Variants in IGF2BP1 observed in about 807,000 individuals in gnomAD.
The protein encoded by IGF2BP1 is insulin-like growth factor 2 mRNA-binding protein 1.
In IGF2BP1, 11 loss-of-function variants were observed where a neutral mutation model predicts 74.9. The ratio of observed to expected loss-of-function variants is 0.15; its 90% CI spans 0.09 to 0.24. The LOEUF (loss-of-function observed/expected upper bound fraction) is 0.24. Among genes scored for constraint, IGF2BP1 ranks in the 10% least tolerant of loss-of-function variants. The pLI, the probability that IGF2BP1 is intolerant of heterozygous loss-of-function variation, is 1.00. For missense variants in IGF2BP1, 440 were observed against 757.4 expected, an observed-to-expected ratio of 0.58 and a Z score of 4.92; for synonymous variants, 287 against 281.8, an observed-to-expected ratio of 1.02 and a Z score of -0.18.
Position 48,997,739 on chromosome 17 carries a change from C to A in IGF2BP1, c.-7C>A, listed in dbSNP as rs2041425498. 2 of 1,612,318 alleles carry A rather than the reference C, an allele frequency of 1.2e-6. No homozygotes were observed. Among genetic ancestry groups the A allele is most frequent in the South Asian group, 2.2e-5 (2 of 90,834 alleles). The stretch of plus-strand genomic sequence containing the variant: ...CCGGGACCGCGTCCTGCCCCGAGAC[C>A]GCCACCATGAACAAGCTTTACATCG... On this transcript the variant is annotated 5_prime_UTR_variant, in exon 1 of 15. Coordinates refer to ENST00000290341, the MANE Select transcript of IGF2BP1 (RefSeq NM_006546.4). The surrounding 1 kb of genome is among the most constrained non-coding windows in gnomAD (Gnocchi z 4.8).
chr17:49,026,655 TCCTG>T (rs1220689431), intron 4 of IGF2BP1, 138 bp downstream of exon 4: 3 of 634,660 alleles, frequency 4.7e-6, no homozygotes, highest in African/African-American at 3.8e-5. Context: ...CTGCCTGCCT[TCCTG>T]CCTTCCTGCC....
At position 49,038,637 on chromosome 17, in the gene IGF2BP1, A is replaced by G. The variant is rs140362834; in HGVS notation, c.683+188A>G. 2.2e-3 allele frequency among the ~76,000 whole-genome samples: 335 copies of G among 152,194 alleles called. 2 individuals are homozygous for G. Among genetic ancestry groups the G allele is most frequent in the African/African-American group, 7.8e-3 (325 of 41,542 alleles). On this transcript the variant is annotated intron_variant, in intron 6 of 14. Coordinates refer to ENST00000290341, the MANE Select transcript of IGF2BP1 (RefSeq NM_006546.4). ...AAGGGAGGGCAGATAGGGAGGGAGA[A>G]TGGGTCTGGGGTGCTAGGCCACACA...
At chr17:49,030,420 G>A (rs2041909231) in intron 4 of IGF2BP1, among the ~76,000 whole-genome samples, 2 of 152,130 alleles carry the variant, frequency 1.3e-5, no homozygotes, top group Admixed American at 6.5e-5. Flanking sequence ...GGGATTACAG[G>A]CGTGAGCCAC....
In IGF2BP1 at chr17:49,043,522, C is replaced by G; in HGVS notation, c.1172C>G (p.Thr391Ser). The change falls in exon 10 of 15, where the codon ACT becomes AGT. Residue 391 changes from threonine (T) to serine (S), a missense_variant. Coordinates refer to ENST00000290341, the MANE Select transcript of IGF2BP1 (RefSeq NM_006546.4). ...SAVPPPPSSV[T>S]GAAPYSSFMQ... Reference sequence around the variant, plus strand: ...GTCCCGCCGCCTCCCAGCAGCGTTACTGGGGCTGCTCCCTATAGCTCCTTT... The same window carrying G: ...GTCCCGCCGCCTCCCAGCAGCGTTAGTGGGGCTGCTCCCTATAGCTCCTTT... 1.2e-6 allele frequency: 2 copies of G among 1,614,156 alleles called. No individual in the cohort carries two copies. The highest frequency in any genetic ancestry group is 1.7e-6 in the Non-Finnish European group (2 of 1,180,000).
intron 4 of IGF2BP1, among the ~76,000 whole-genome samples, chr17:49,029,162 G>A (rs1008401232): frequency 2.3e-5 from 3 of 132,294 alleles, no homozygotes; most frequent in African/African-American, 8.9e-5. Context: ...TGTAGAACTT[G>A]CTTATTTATT....
chr17:49,027,563 A>G (rs1399274600), intron 4 of IGF2BP1, among the ~76,000 whole-genome samples: 2 of 152,128 alleles, frequency 1.3e-5, no homozygotes, highest in Non-Finnish European at 2.9e-5. Context: ...GGTCATAAAA[A>G]GTTTGCCAGC....
intron 2 of IGF2BP1, chr17:49,014,917 T>G (rs1567813294): frequency 1.0e-6 from 1 of 985,190 alleles, no homozygotes; most frequent in Non-Finnish European, 1.2e-6. Context: ...CCTCGGCTGT[T>G]CCCTCTGGAG....
chr17:49,036,604 A>G (rs1274708730), intron 5 of IGF2BP1: 2 of 152,228 alleles, frequency 1.3e-5, no homozygotes, highest in African/African-American at 4.8e-5. Context: ...ATGGCGTTCA[A>G]CCTGGCAGAT....
chr17:49,016,677 ACT>A (rs1019333546), intron 2 of IGF2BP1, among the ~76,000 whole-genome samples: 30 of 151,406 alleles, frequency 2.0e-4, no homozygotes, highest in African/African-American at 7.3e-4. Flanking sequence ...GTCCCCTCAC[ACT>A]CTGGCTTTCT....
chr17:49,018,544 G>A (rs1209427442), intron 2 of IGF2BP1, among the ~76,000 whole-genome samples: 2 of 151,994 alleles, frequency 1.3e-5, no homozygotes, highest in African/African-American at 4.8e-5. Flanking sequence ...CCTTTACTTT[G>A]GGGTTATGGA....
At chr17:48,999,961 T>TGTGTGTTC (rs1046137709) in intron 2 of IGF2BP1, among the ~76,000 whole-genome samples, 4 of 149,990 alleles carry the variant, frequency 2.7e-5, no homozygotes, top group African/African-American at 9.8e-5. Flanking sequence ...TGTGTGTGTG[T>TGTGTGTTC]GTTCGTGTGT....
At position 49,052,929 on chromosome 17, in the gene IGF2BP1, CACTG is replaced by C. The variant is rs1196822732; in HGVS notation, c.*3493_*3496del. ...AACACATAACCAAAATGGTTTGATT[CACTG>C]ACTGACTTTGAAGCTGCATCTGCCA... On this transcript the variant is annotated 3_prime_UTR_variant, in exon 15 of 15. Transcript: ENST00000290341. The C allele has an allele frequency of 1.3e-5, 2 of 152,212 alleles. No homozygotes were observed. The highest frequency in any genetic ancestry group is 2.4e-5 in the African/African-American group (1 of 41,454). 9.4% of individuals were successfully genotyped at this position (152,212 alleles called of 1,614,324 possible).
chr17:49,001,323 T>TA (rs1349732058), intron 2 of IGF2BP1, among the ~76,000 whole-genome samples: 1 of 152,186 alleles, frequency 6.6e-6, no homozygotes, highest in Non-Finnish European at 1.5e-5. Flanking sequence ...AATGAACAAC[T>TA]ATACAAATAA....
At position 49,055,497 on chromosome 17, in the gene IGF2BP1, C is replaced by T. The variant is rs2042217803; in HGVS notation, c.*6053C>T. On this transcript the variant is annotated 3_prime_UTR_variant, in exon 15 of 15. Transcript: ENST00000290341. ...GGCTTTGTTTTGGGGATGCTTAAAT[C>T]TTGACTGGCACTTCCCGGCTGTGGG... 1 of 385,184 alleles carries T rather than the reference C, an allele frequency of 2.6e-6. No homozygotes were observed. The allele number at this position is 385,184 out of a possible 1,614,324, so 23.9% of individuals were successfully genotyped here. A position where few individuals can be genotyped will look rare whatever the true frequency, so the allele number is the denominator to read the frequency against.
intron 2 of IGF2BP1, among the ~76,000 whole-genome samples, chr17:49,016,914 GC>G (rs2041712241): frequency 7.2e-6 from 1 of 139,446 alleles, no homozygotes; most frequent in Non-Finnish European, 1.6e-5. Flanking sequence ...TCCCCTCCCC[GC>G]CCCCGCCCCC....
chr17:49,045,690 C>T (rs1176659775), intron 12 of IGF2BP1, among the ~76,000 whole-genome samples, 200 bp from the exon 13 acceptor site: 1 of 152,212 alleles, frequency 6.6e-6, no homozygotes, highest in African/African-American at 2.4e-5. Context: ...CCCAGGGTCT[C>T]CAGTATGATA....
In IGF2BP1 at chr17:49,019,947, TATTTATATACAC is replaced by T. The variant is rs1310339602; in HGVS notation, c.237-5669_237-5658del. The stretch of plus-strand genomic sequence containing the variant: ...ATATATATATATATATATATATATA[TATTTATATACAC>T]ACACACACACACACACATACACCCA... On this transcript the variant is annotated intron_variant, in intron 2 of 14. Coordinates refer to ENST00000290341, the MANE Select transcript of IGF2BP1 (RefSeq NM_006546.4). Among the ~76,000 whole-genome samples the T allele has an allele frequency of 3.4e-3, 130 of 37,796 alleles. 2 individuals carry two copies. Among genetic ancestry groups the T allele is most frequent in the African/African-American group, 0.018 (123 of 6,858 alleles). 24.8% of individuals were successfully genotyped at this position (37,796 alleles called of 152,430 possible). A position where few individuals can be genotyped will look rare whatever the true frequency, so the allele number is the denominator to read the frequency against.
intron 2 of IGF2BP1, among the ~76,000 whole-genome samples, chr17:49,024,075 C>A (rs563343059): frequency 6.7e-6 from 1 of 149,874 alleles, no homozygotes; most frequent in East Asian, 1.9e-4. Flanking sequence ...TGCCACCACA[C>A]CCTGCTAATT....
In IGF2BP1 at chr17:49,017,122, A is replaced by G. The variant is rs1210279971; in HGVS notation, c.237-8496A>G. ...GGGCAACTTCCAGATGGGAGCGACAACTGGGAGAGGGGCCAGCTTTGGGAG... is the reference window on the plus strand; with the variant it reads ...GGGCAACTTCCAGATGGGAGCGACAGCTGGGAGAGGGGCCAGCTTTGGGAG... On this transcript the variant is annotated intron_variant, in intron 2 of 14. Coordinates refer to ENST00000290341, the MANE Select transcript of IGF2BP1 (RefSeq NM_006546.4). Among the ~76,000 whole-genome samples, 4 of 152,128 alleles carry G rather than the reference A, an allele frequency of 2.6e-5. No individual in the cohort carries two copies. In the South Asian group the frequency reaches 6.2e-4, roughly 24 times the overall value.
Sources: allele counts gnomAD v4.1 joint callset (sites outside exome capture counted in the v4.1 genomes callset), GRCh38; gene constraint gnomAD v4.1.1; non-coding constraint Gnocchi (gnomAD v3.1); transcripts MANE v1.5; gene names NCBI Gene and HGNC (gene_info 2026-07-23, HGNC 2026-07-21).